Variants in FAM107B observed in about 807,000 individuals in gnomAD.
The protein encoded by FAM107B is family with sequence similarity 107 member B.
Under a neutral mutation model 31.5 loss-of-function variants are expected in FAM107B, and 21 were observed. The observed-to-expected ratio is 0.67, with a 90% confidence interval of 0.47 to 0.96. The LOEUF (loss-of-function observed/expected upper bound fraction) is 0.96. FAM107B is among the 40% of genes least tolerant of loss of function. The probability of loss-of-function intolerance (pLI) is 0.00; values close to 1 mark genes in which losing one functional copy is unlikely to be tolerated. For synonymous variants in FAM107B, 157 were observed against 141.5 expected (o/e 1.11, Z -0.78); for missense variants, 452 against 377.1 (o/e 1.20, Z -1.64).
At chr10:14,716,698 G>C (rs1196691525) in intron 1 of FAM107B, among the ~76,000 whole-genome samples, 1 of 152,118 alleles carries the variant, frequency 6.6e-6, no homozygotes, top group Non-Finnish European at 1.5e-5. Context: ...TTGAATCTTG[G>C]CTCCTCCTCA....
intron 2 of FAM107B, among the ~76,000 whole-genome samples, chr10:14,600,834 G>A (rs1852370837): frequency 6.6e-6 from 1 of 151,922 alleles, no homozygotes; most frequent in South Asian, 2.1e-4. Flanking sequence ...TAGAGATGGG[G>A]GTCACTATGT....
intron 1 of FAM107B, among the ~76,000 whole-genome samples, chr10:14,677,735 G>A (rs1191698324): frequency 6.6e-6 from 1 of 152,174 alleles, no homozygotes; most frequent in Non-Finnish European, 1.5e-5. Context: ...GCTCAGGACT[G>A]AGGGGTTCCC....
chr10:14,669,263 G>A lies in FAM107B; in HGVS notation c.412-1572C>T, dbSNP rs58122918. On this transcript the variant is annotated intron_variant, in intron 1 of 4. Coordinates refer to ENST00000181796, the MANE Select transcript of FAM107B (RefSeq NM_031453.4). ...TGCCTGCCTGTAAATCCAGCTACTC[G>A]GGAGGCTGCGGCAGGAGAATCACTT... Among the ~76,000 whole-genome samples, 16 of 151,788 alleles carry A rather than the reference G, an allele frequency of 1.1e-4. No homozygotes were observed. The East Asian group carries it at 1.7e-3, about 17-fold the overall frequency.
chr10:14,633,673 T>C (rs1853424019), intron 2 of FAM107B, among the ~76,000 whole-genome samples: 1 of 152,182 alleles, frequency 6.6e-6, no homozygotes, highest in Non-Finnish European at 1.5e-5. Flanking sequence ...TAACAAATTT[T>C]TGTTGAGCCA....
chr10:14,671,488 C>T (rs2131479283), intron 1 of FAM107B, among the ~76,000 whole-genome samples: 1 of 152,224 alleles, frequency 6.6e-6, no homozygotes, highest in Admixed American at 6.5e-5. Context: ...ATGCAAATGG[C>T]ACGAGCTTCC....
At chr10:14,677,451 C>T (rs899458960) in intron 1 of FAM107B, among the ~76,000 whole-genome samples, 1 of 152,084 alleles carries the variant, frequency 6.6e-6, no homozygotes, top group Non-Finnish European at 1.5e-5. Flanking sequence ...GAAACCCCGT[C>T]TCCACTAAAA....
intron 2 of FAM107B, among the ~76,000 whole-genome samples, chr10:14,580,603 T>C (rs1008359628): frequency 4.6e-5 from 7 of 152,142 alleles, no homozygotes; most frequent in African/African-American, 1.7e-4. Context: ...CATGGAATGT[T>C]ACACAAGGAA....
At chr10:14,696,013 G>A (rs769676379) in intron 1 of FAM107B, among the ~76,000 whole-genome samples, 1 of 152,146 alleles carries the variant, frequency 6.6e-6, no homozygotes, top group Non-Finnish European at 1.5e-5. Context: ...TTCCAGTACC[G>A]TGTCAAATAG....
intron 1 of FAM107B, among the ~76,000 whole-genome samples, chr10:14,771,333 T>C (rs1458798067): frequency 6.6e-6 from 1 of 152,184 alleles, no homozygotes; most frequent in Admixed American, 6.5e-5. Context: ...CAAATAATAA[T>C]AGTTATTGAA....
intron 1 of FAM107B, among the ~76,000 whole-genome samples, chr10:14,736,595 T>C (rs1856305632): frequency 6.6e-6 from 1 of 152,156 alleles, no homozygotes; most frequent in South Asian, 2.1e-4. Context: ...TCACTCAATC[T>C]CCTTCATTGG....
intron 2 of FAM107B, among the ~76,000 whole-genome samples, chr10:14,654,125 T>G (rs994097785): frequency 6.8e-6 from 1 of 147,278 alleles, no homozygotes; most frequent in African/African-American, 2.5e-5. Flanking sequence ...TTTTTTCCAC[T>G]GCTTAGGAAT....
chr10:14,770,041 T>C (rs565251120), intron 1 of FAM107B, among the ~76,000 whole-genome samples: 43 of 152,224 alleles, frequency 2.8e-4, no homozygotes, highest in South Asian at 2.1e-3. Flanking sequence ...TGGAGTGCCG[T>C]CCTGTGTTTG....
chr10:14,636,021 AC>A (rs1300682264), intron 2 of FAM107B, among the ~76,000 whole-genome samples: 1 of 152,188 alleles, frequency 6.6e-6, no homozygotes, highest in Non-Finnish European at 1.5e-5. Flanking sequence ...ACGCCAATCT[AC>A]AAATAATACC....
intron 3 of FAM107B, among the ~76,000 whole-genome samples, chr10:14,528,798 T>C (rs1846615958): frequency 6.6e-6 from 1 of 152,116 alleles, no homozygotes; most frequent in Admixed American, 6.6e-5. Flanking sequence ...AATCTGTAGG[T>C]TTTACAGCAA....
intron 1 of FAM107B, among the ~76,000 whole-genome samples, chr10:14,726,075 C>A (rs541720310): frequency 8.5e-5 from 13 of 152,054 alleles, no homozygotes; most frequent in African/African-American, 2.9e-4. Flanking sequence ...CTCACTGCAA[C>A]CTCCGCCTCC....
At chr10:14,734,488 G>GTGTTTTTGTTTTTTTTTTTTT (rs558940939) in intron 1 of FAM107B, among the ~76,000 whole-genome samples, 9 of 138,558 alleles carry the variant, frequency 6.5e-5, no homozygotes, top group African/African-American at 2.4e-4. Flanking sequence ...TTTTTGTGAG[G>GTGTTTTTGTTTTTTTTTTTTT]TTTTTTTTTT....
chr10:14,558,007 A>C (rs921483041), intron 2 of FAM107B, among the ~76,000 whole-genome samples: 2 of 152,258 alleles, frequency 1.3e-5, no homozygotes, highest in Non-Finnish European at 2.9e-5. Flanking sequence ...TTTTAGAAAA[A>C]GATCGAATTC....
At chr10:14,706,839 A>C (rs894580149) in intron 1 of FAM107B, among the ~76,000 whole-genome samples, 1 of 152,154 alleles carries the variant, frequency 6.6e-6, no homozygotes, top group Non-Finnish European at 1.5e-5. Flanking sequence ...ACACTTAAAA[A>C]ATGGTGGCCA....
chr10:14,715,374 C>G (rs542217544), intron 1 of FAM107B, among the ~76,000 whole-genome samples: 1 of 152,168 alleles, frequency 6.6e-6, no homozygotes, highest in African/African-American at 2.4e-5. Context: ...AACAAAAATA[C>G]ACAGAAAGAT....
Sources: allele counts gnomAD v4.1 joint callset (sites outside exome capture counted in the v4.1 genomes callset), GRCh38; gene constraint gnomAD v4.1.1; transcripts MANE v1.5; gene names NCBI Gene and HGNC (gene_info 2026-07-23, HGNC 2026-07-21).